Variants in PROCR observed in about 807,000 individuals in gnomAD.
The protein encoded by PROCR is endothelial protein C receptor.
A neutral mutation model predicts 24.2 loss-of-function variants in PROCR; 22 were observed. The observed-to-expected ratio is 0.91, with a 90% CI of 0.65 to 1.30. The LOEUF (loss-of-function observed/expected upper bound fraction) is 1.30. PROCR is among the 50% of genes most tolerant of loss of function. PROCR has a pLI of 0.00. For synonymous variants in PROCR, 137 were observed against 139.2 expected (o/e 0.98, Z 0.11); for missense variants, 288 against 307.7 (o/e 0.94, Z 0.48).
intron 1 of PROCR, among the ~76,000 whole-genome samples, chr20:35,209,698 AAAG>A (rs1237114199): frequency 2.0e-5 from 3 of 152,216 alleles, no homozygotes. Context: ...TGTATTTCAA[AAAG>A]AAGACTGGTC....
chr20:35,183,378 T>G (rs1299636481), intron 1 of PROCR, among the ~76,000 whole-genome samples: 1 of 152,146 alleles, frequency 6.6e-6, no homozygotes, highest in African/African-American at 2.4e-5. Flanking sequence ...TAAAAGGATC[T>G]GAGACCTCCC....
At chr20:35,206,011 A>AT (rs1451948760) in intron 1 of PROCR, among the ~76,000 whole-genome samples, 1 of 149,882 alleles carries the variant, frequency 6.7e-6, no homozygotes, top group South Asian at 2.1e-4. Context: ...TCCAGAATTT[A>AT]TTTTTTAACA....
At chr20:35,179,154 A>G (rs1400017413), downstream of PROCR, among the ~76,000 whole-genome samples, 3 of 148,134 alleles carry the variant, frequency 2.0e-5, no homozygotes, top group Non-Finnish European at 3.0e-5. Context: ...AATGGCATGA[A>G]TCCGGGAGGC....
downstream of PROCR, among the ~76,000 whole-genome samples, chr20:35,178,673 G>A (rs1270901670): frequency 1.5e-4 from 20 of 135,788 alleles, no homozygotes; most frequent in East Asian, 3.5e-3. Flanking sequence ...CCGCCACTAC[G>A]CCCGGCTAAT....
downstream of PROCR, among the ~76,000 whole-genome samples, chr20:35,178,435 AAG>A (rs1325971112): frequency 2.0e-5 from 3 of 147,266 alleles, no homozygotes; most frequent in East Asian, 1.9e-4. Flanking sequence ...AAAAAAAAAA[AAG>A]AGTATGTGTT....
At chr20:35,196,180 C>CAAAAAAAAAAAAAAAAAAAAAAAA (rs68132775) in intron 1 of PROCR, among the ~76,000 whole-genome samples, 1 of 63,444 alleles carries the variant, frequency 1.6e-5, no homozygotes, top group Non-Finnish European at 2.7e-5. Context: ...AGACTGCCTC[C>CAAAAAAAAAAAAAAAAAAAAAAAA]AAAAAAAAAA....
rs550716142 is a variant in PROCR at position 35,176,993 on chromosome 20, G to A, written c.*180G>A. The A allele has an allele frequency of 3.4e-6, 5 of 1,456,174 alleles. No individual in the cohort carries two copies. The South Asian group carries it at 6.8e-5, about 20-fold the overall frequency. 90.2% of individuals were successfully genotyped at this position (1,456,174 alleles called of 1,614,324 possible). On this transcript the variant is annotated 3_prime_UTR_variant, in exon 4 of 4. Coordinates refer to ENST00000216968, the MANE Select transcript of PROCR (RefSeq NM_006404.5). ...GGAGGGGAGATGGAGAGGAGAGGTGGACAAAGTACTTGGTTTGCTAAGAAC... is the reference window on the plus strand; with the variant it reads ...GGAGGGGAGATGGAGAGGAGAGGTGAACAAAGTACTTGGTTTGCTAAGAAC...
downstream of PROCR, among the ~76,000 whole-genome samples, chr20:35,178,509 T>TTTGTTTTG (rs1412265133): frequency 4.9e-4 from 13 of 26,790 alleles, 2 homozygotes; most frequent in African/African-American, 3.7e-3. Flanking sequence ...AAGTCTCAGT[T>TTTGTTTTG]TTTTTTTTTT....
chr20:35,186,730 CA>C (rs34234989), intron 1 of PROCR, among the ~76,000 whole-genome samples: 59,938 of 151,536 alleles, frequency 0.4, 14,024 homozygotes, highest in African/African-American at 0.66. Context: ...AGGTGGATCA[CA>C]AGGTCAGGAG....
downstream of PROCR, among the ~76,000 whole-genome samples, chr20:35,178,507 G>GTTTTGTTTTTTTTTGTTTTTT (rs1272557859): frequency 2.9e-5 from 1 of 34,372 alleles, no homozygotes; most frequent in Non-Finnish European, 4.5e-5. Flanking sequence ...TCAAGTCTCA[G>GTTTTGTTTTTTTTTGTTTTTT]TTTTTTTTTT....
At chr20:35,200,414 TAGTC>T (rs762556952) in intron 1 of PROCR, among the ~76,000 whole-genome samples, 10 of 152,194 alleles carry the variant, frequency 6.6e-5, no homozygotes, top group Non-Finnish European at 1.3e-4. Context: ...CCACCCTTAT[TAGTC>T]AGTAATCATG....
chr20:35,181,857 T>C (rs1237168188), downstream of PROCR, among the ~76,000 whole-genome samples: 1 of 152,016 alleles, frequency 6.6e-6, no homozygotes, highest in African/African-American at 2.4e-5. Flanking sequence ...ATCCTCAGAG[T>C]TGATGGGAAA....
chr20:35,193,285 C>T (rs1403675534), intron 1 of PROCR, among the ~76,000 whole-genome samples: 7 of 152,042 alleles, frequency 4.6e-5, no homozygotes, highest in African/African-American at 1.4e-4. Context: ...AAGCCATTCT[C>T]CTGCCACAGC....
chr20:35,177,675 G>T (rs750786418), downstream of PROCR, among the ~76,000 whole-genome samples: 9 of 151,546 alleles, frequency 5.9e-5, no homozygotes, highest in Admixed American at 1.3e-4. Flanking sequence ...CTCGTGATCC[G>T]CCTACCTCGG....
intron 1 of PROCR, among the ~76,000 whole-genome samples, chr20:35,214,226 G>A (rs2060372545): frequency 6.6e-6 from 1 of 152,112 alleles, no homozygotes; most frequent in African/African-American, 2.4e-5. Flanking sequence ...GTGTAAATGA[G>A]CAAGTGCATG....
intron 1 of PROCR, among the ~76,000 whole-genome samples, chr20:35,213,251 T>C (rs796238318): frequency 1.5e-4 from 23 of 152,214 alleles, no homozygotes; most frequent in African/African-American, 5.3e-4. Flanking sequence ...GAGAATCGCT[T>C]GAACCAAGGA....
intron 1 of PROCR, among the ~76,000 whole-genome samples, chr20:35,189,008 G>A (rs1600742805): frequency 6.6e-6 from 1 of 152,112 alleles, no homozygotes; most frequent in Non-Finnish European, 1.5e-5. Flanking sequence ...ACCCTGTGAT[G>A]ATTGCGTTAA....
chr20:35,176,104 G>A (rs2086013442), intron 2 of PROCR, 64 bp from the exon 3 acceptor site: 3 of 1,538,522 alleles, frequency 1.9e-6, no homozygotes, highest in Non-Finnish European at 2.7e-6. Context: ...TCCCCTTGGT[G>A]GGCCTCGCCC....
chr20:35,174,639 T>G lies in PROCR; in HGVS notation c.71-63T>G. ...GGCCAGCCTCGAGGTAGGGGGTTAT[T>G]ATCTTCCGCTGCCCGCCGCCCCCTC... On this transcript the variant is annotated intron_variant, in intron 1 of 3. Coordinates refer to ENST00000216968, the MANE Select transcript of PROCR (RefSeq NM_006404.5). 3.7e-6 allele frequency: 6 copies of G among 1,606,626 alleles called. No homozygotes were observed. The East Asian group carries it at 1.3e-4, about 36-fold the overall frequency.
Sources: gnomAD v4.1 joint callset for allele counts (sites outside exome capture counted in the v4.1 genomes callset) on GRCh38, gnomAD v4.1.1 for gene constraint, MANE v1.5 for transcripts, NCBI Gene and HGNC (gene_info 2026-07-23, HGNC 2026-07-21) for gene names.